Variants in RIMS1 observed in about 807,000 individuals in gnomAD.
RIMS1 encodes the protein regulating synaptic membrane exocytosis 1.
Under a neutral mutation model 214.1 loss-of-function variants are expected in RIMS1, and 83 were observed. The ratio of observed to expected loss-of-function variants is 0.39; its 90% confidence interval spans 0.32 to 0.47. The LOEUF is 0.47. RIMS1 is among the 20% of genes least tolerant of loss of function. The probability of loss-of-function intolerance (pLI) is 0.99; values close to 1 mark genes in which losing one functional copy is unlikely to be tolerated. For missense variants in RIMS1, 2,050 were observed against 2,161.8 expected (o/e 0.95, Z 1.03); for synonymous variants, 793 against 786.8 (o/e 1.01, Z -0.13).
Position 72,233,775 on chromosome 6 carries a change from G to T in RIMS1, c.1681G>T (p.Asp561Tyr), listed in dbSNP as rs2062948314. The T allele has an allele frequency of 6.4e-7, 1 of 1,568,018 alleles. No homozygotes were observed. The highest frequency in any genetic ancestry group is 8.7e-7 in the Non-Finnish European group (1 of 1,153,464). ...TTCATTCTTTTTGTATTGCACAGGT[G>T]ATTTGGATTATTACTGGTTGGATCC... ...LESESVSEKG[D>Y]LDYYWLDPAT... The change falls in exon 7 of 34, where the codon GAT becomes TAT. Residue 561 changes from aspartate to tyrosine, a missense_variant and splice_region_variant. Physicochemically the swap from Asp to Tyr is radical, Grantham distance 160. Coordinates refer to ENST00000521978, the MANE Select transcript of RIMS1 (RefSeq NM_014989.7).
At position 72,284,112 on chromosome 6, in the gene RIMS1, C is replaced by T; in HGVS notation, c.3548C>T (p.Ala1183Val). ...KQTRKGTASD[A>V]ERVLPTCLSR... ...ACTAGGAAAGGCACTGCCTCTGATG[C>T]AGAAAGGTAGGCTTGGTGTTGTGGT... The change falls in exon 24 of 34, where the codon GCA becomes GTA. Residue 1183 changes from alanine (A) to valine (V), a missense_variant. By Grantham distance (64) the Ala-to-Val change is moderately conservative. This residue lies in a region of RIMS1 where 889 missense variants were observed against 885.5 expected (regional missense o/e 1.00). Coordinates refer to ENST00000521978, the MANE Select transcript of RIMS1 (RefSeq NM_014989.7). The T allele has an allele frequency of 6.2e-7, 1 of 1,612,684 alleles. No homozygotes were observed. Among genetic ancestry groups the T allele is most frequent in the East Asian group, 2.2e-5 (1 of 44,846 alleles).
intron 1 of RIMS1, among the ~76,000 whole-genome samples, chr6:71,907,748 C>T (rs1009445682): frequency 6.6e-6 from 1 of 152,120 alleles, no homozygotes; most frequent in Non-Finnish European, 1.5e-5. Context: ...GCTTATATGT[C>T]AAATTATCTA....
At chr6:72,390,984 A>G (rs147631959) in intron 30 of RIMS1, 130 of 363,858 alleles carry the variant, frequency 3.6e-4, no homozygotes, top group Non-Finnish European at 5.6e-4. Context: ...TCTTGCATCT[A>G]GGAAAGCCCA....
chr6:71,934,945 G>A (rs1369121139), intron 1 of RIMS1, among the ~76,000 whole-genome samples: 2 of 152,118 alleles, frequency 1.3e-5, no homozygotes, highest in African/African-American at 4.8e-5. Flanking sequence ...TAACAATAGA[G>A]GTGAGATAAA....
chr6:71,954,732 CGTAAA>C (rs1479678814), intron 1 of RIMS1, among the ~76,000 whole-genome samples: 1 of 150,038 alleles, frequency 6.7e-6, no homozygotes, highest in Admixed American at 6.7e-5. Flanking sequence ...ATATAACTTA[CGTAAA>C]GTAAAATCCA....
intron 1 of RIMS1, among the ~76,000 whole-genome samples, chr6:71,910,469 T>C (rs1369771107): frequency 2.0e-5 from 3 of 152,104 alleles, no homozygotes; most frequent in Non-Finnish European, 2.9e-5. Flanking sequence ...CAATGTCCCG[T>C]CCATGCGTAC....
rs1033991322 is a variant in RIMS1, at chr6:72,163,492, G to A, written c.472-16083G>A. Reference sequence around the variant, plus strand: ...TTTAATTTCCAGTTTTTCTGCTCTGGTTTTTCCCCACCTTTGTGGTTTTAT... The same window carrying A: ...TTTAATTTCCAGTTTTTCTGCTCTGATTTTTCCCCACCTTTGTGGTTTTAT... On this transcript the variant is annotated intron_variant, in intron 4 of 33. Transcript: ENST00000521978. Among the ~76,000 whole-genome samples the A allele has an allele frequency of 1.4e-5, 2 of 140,684 alleles. 1 individual carries two copies. The highest frequency in any genetic ancestry group is 4.9e-5 in the African/African-American group (2 of 40,610). 92.3% of individuals were successfully genotyped at this position (140,684 alleles called of 152,430 possible). A position where few individuals can be genotyped will look rare whatever the true frequency, so the allele number is the denominator to read the frequency against.
rs371359745 is a variant in RIMS1, at chr6:72,009,943, G to GA, written c.245+40885dup. 2.0e-4 allele frequency among the ~76,000 whole-genome samples: 31 copies of GA among 152,118 alleles called. No individual in the cohort carries two copies. In the East Asian group the frequency reaches 5.2e-3, roughly 26 times the overall value. ...CCTTCTGAAACTATTCCAATCAATA[G>GA]AAAAAGAGGGAATCCTCCCTAACTC... is the stretch of plus-strand genomic sequence containing the variant. On this transcript the variant is annotated intron_variant, in intron 2 of 33. Transcript: ENST00000521978.
At chr6:71,908,337 T>A (rs1267717479) in intron 1 of RIMS1, among the ~76,000 whole-genome samples, 1 of 152,180 alleles carries the variant, frequency 6.6e-6, no homozygotes, top group East Asian at 1.9e-4. Flanking sequence ...ATAATGCCAG[T>A]CATTTCCGGA....
chr6:72,215,776 TTC>T (rs2055703344), intron 6 of RIMS1, among the ~76,000 whole-genome samples: 2 of 152,202 alleles, frequency 1.3e-5, no homozygotes, highest in Admixed American at 1.3e-4. Flanking sequence ...CGTAAATATG[TTC>T]TTTTAAGAGA....
At chr6:72,308,589 A>G (rs1246344861) in intron 27 of RIMS1, among the ~76,000 whole-genome samples, 1 of 152,154 alleles carries the variant, frequency 6.6e-6, no homozygotes, top group African/African-American at 2.4e-5. Flanking sequence ...AAAATAAAAT[A>G]AAAAGAGGTG....
chr6:72,011,912 G>T (rs987683352), intron 2 of RIMS1, among the ~76,000 whole-genome samples: 1 of 152,244 alleles, frequency 6.6e-6, no homozygotes, highest in South Asian at 2.1e-4. Flanking sequence ...CATTGTGGAA[G>T]TCAGTGTGGC....
At chr6:72,264,891 G>A in intron 19 of RIMS1, 84 bp from the exon 20 acceptor site, 1 of 782,670 alleles carries the variant, frequency 1.3e-6, no homozygotes, top group Non-Finnish European at 2.1e-6. Context: ...AGCTTTATAG[G>A]CCTCCTACTT....
chr6:71,891,121 A>G (rs1769724172), intron 1 of RIMS1, among the ~76,000 whole-genome samples: 1 of 145,894 alleles, frequency 6.9e-6, no homozygotes, highest in Non-Finnish European at 1.5e-5. Flanking sequence ...ATCACAGCAG[A>G]GCCTGGGGCT....
intron 10 of RIMS1, 59 bp from the exon 11 acceptor site, chr6:72,245,756 A>G: frequency 7.5e-7 from 1 of 1,330,778 alleles, no homozygotes; most frequent in East Asian, 2.3e-5. Flanking sequence ...ATGGGCTATG[A>G]TTGCCTCAGG....
chr6:71,951,610 C>T (rs967266627), intron 1 of RIMS1, among the ~76,000 whole-genome samples: 2 of 150,984 alleles, frequency 1.3e-5, no homozygotes, highest in Non-Finnish European at 3.0e-5. Flanking sequence ...CCTGCCTCAG[C>T]CTCCTAAGTA....
At chr6:72,158,869 T>C (rs910741413) in intron 4 of RIMS1, among the ~76,000 whole-genome samples, 2 of 140,426 alleles carry the variant, frequency 1.4e-5, no homozygotes, top group East Asian at 2.0e-4. Context: ...AATAAACATA[T>C]GTGTGCATGT....
chr6:72,312,304 T>C (rs188950772), intron 27 of RIMS1, among the ~76,000 whole-genome samples: 1 of 152,272 alleles, frequency 6.6e-6, no homozygotes, highest in Admixed American at 6.5e-5. Context: ...CCATATGTTA[T>C]TTTGTTTTAC....
At chr6:71,992,402 CTCTCTTTCTTTCTTTCTTTCTTTCTT>C (rs756438987) in intron 2 of RIMS1, among the ~76,000 whole-genome samples, 3,636 of 144,094 alleles carry the variant, frequency 0.025, 49 homozygotes, top group Middle Eastern at 0.052. Flanking sequence ...CTTTCTCTCT[CTCTCTTTCTTTCTTTCTTTCTTTCTT>C]TCTTTCTTTC....
Sources: gnomAD v4.1 joint callset for allele counts (sites outside exome capture counted in the v4.1 genomes callset) on GRCh38, gnomAD v4.1.1 for gene constraint, gnomAD v4.1.1 regional missense constraint, MANE v1.5 for transcripts, NCBI Gene and HGNC (gene_info 2026-07-23, HGNC 2026-07-21) for gene names.